The following ZFAT variants were observed in gnomAD, a reference collection of about 807,000 sequenced individuals.
The protein encoded by ZFAT is zinc finger and AT-hook domain containing.
In ZFAT, 64 loss-of-function variants were observed where a neutral mutation model predicts 117.7. The observed-to-expected ratio is 0.54, with a 90% CI of 0.44 to 0.67. The LOEUF (loss-of-function observed/expected upper bound fraction) is 0.67. ZFAT is among the 30% of genes least tolerant of loss of function. The pLI, the probability that ZFAT is intolerant of heterozygous loss-of-function variation, is 0.00. For missense variants in ZFAT, 1,433 were observed against 1,584.5 expected, an observed-to-expected ratio of 0.90 and a Z score of 1.62; for synonymous variants, 679 against 615.0, an observed-to-expected ratio of 1.10 and a Z score of -1.54.
At chr8:134,695,334 T>C (rs1218944269) in intron 1 of ZFAT, among the ~76,000 whole-genome samples, 1 of 147,132 alleles carries the variant, frequency 6.8e-6, no homozygotes, top group East Asian at 1.9e-4. Context: ...TCTTTGTCTC[T>C]GAAAGGCAAG....
upstream of ZFAT, chr8:134,713,171 A>C: frequency 3.6e-6 from 1 of 277,610 alleles, no homozygotes; most frequent in Non-Finnish European, 6.7e-6. Flanking sequence ...CGTGCTTTTT[A>C]TCCCACTTCA....
chr8:134,730,843 T>TAAAGAAG, the ZFAT span, among the ~76,000 whole-genome samples: 1 of 152,216 alleles, frequency 6.6e-6, no homozygotes, highest in East Asian at 1.9e-4. Flanking sequence ...CTAGAAATAT[T>TAAAGAAG]CTGGTTTCTT....
chr8:134,749,149 T>C, the ZFAT span, among the ~76,000 whole-genome samples: 5 of 152,212 alleles, frequency 3.3e-5, no homozygotes, highest in Non-Finnish European at 5.9e-5. Flanking sequence ...ATTTTTACTA[T>C]AACCAATTTA....
the ZFAT span, among the ~76,000 whole-genome samples, chr8:134,770,482 TCTTTA>T: frequency 2.0e-5 from 3 of 152,348 alleles, no homozygotes; most frequent in East Asian, 3.9e-4. Context: ...CCTATGCCTG[TCTTTA>T]CTTTAATCTC....
chr8:134,808,207 G>A, the ZFAT span, among the ~76,000 whole-genome samples: 1 of 152,188 alleles, frequency 6.6e-6, no homozygotes, highest in East Asian at 1.9e-4. Context: ...TAGTATGTGT[G>A]TGGATGTGAA....
intron 10 of ZFAT, among the ~76,000 whole-genome samples, chr8:134,567,656 G>T (rs943929151): frequency 3.9e-5 from 6 of 152,082 alleles, no homozygotes; most frequent in African/African-American, 1.4e-4. Flanking sequence ...AGCAGAGAAG[G>T]CCCTCCAGAA....
intron 15 of ZFAT, among the ~76,000 whole-genome samples, 160 bp downstream of exon 15, chr8:134,509,459 C>A (rs547406135): frequency 2.0e-5 from 3 of 152,160 alleles, no homozygotes; most frequent in East Asian, 1.9e-4. Context: ...AAGAAGCACT[C>A]CCATGAGATC....
At chr8:134,747,765 C>T in the ZFAT span, among the ~76,000 whole-genome samples, 1 of 152,062 alleles carries the variant, frequency 6.6e-6, no homozygotes, top group Non-Finnish European at 1.5e-5. Flanking sequence ...TTTTTACAGC[C>T]CTGTAATTTT....
intron 15 of ZFAT, among the ~76,000 whole-genome samples, chr8:134,501,534 C>T (rs554639228): frequency 3.9e-5 from 6 of 152,196 alleles, no homozygotes; most frequent in South Asian, 2.1e-4. Context: ...AGAAAAAAAC[C>T]GTTACGGGAA....
At chr8:134,590,441 C>G (rs1440927639) in intron 7 of ZFAT, 86 bp from the exon 8 acceptor site, 2 of 994,708 alleles carry the variant, frequency 2.0e-6, no homozygotes, top group Non-Finnish European at 3.1e-6. Flanking sequence ...ACCATCATCA[C>G]CCACCACCAC....
At chr8:134,677,481 C>A (rs1563754974) in intron 1 of ZFAT, among the ~76,000 whole-genome samples, 1 of 152,098 alleles carries the variant, frequency 6.6e-6, no homozygotes, top group Non-Finnish European at 1.5e-5. Flanking sequence ...AGTCCAGGAC[C>A]AGATGGATTT....
At chr8:134,585,431 C>T (rs1826001026) in intron 9 of ZFAT, among the ~76,000 whole-genome samples, 1 of 152,140 alleles carries the variant, frequency 6.6e-6, no homozygotes, top group Non-Finnish European at 1.5e-5. Context: ...CACTATTTGA[C>T]CTGGTGTTTT....
intron 15 of ZFAT, among the ~76,000 whole-genome samples, chr8:134,500,048 C>T (rs549034840): frequency 1.6e-4 from 24 of 152,284 alleles, no homozygotes; most frequent in Middle Eastern, 6.8e-3. Flanking sequence ...ACAGAGGGCC[C>T]GCAGCGCTCT....
the ZFAT span, among the ~76,000 whole-genome samples, chr8:134,768,529 A>C: frequency 1.3e-5 from 2 of 152,228 alleles, no homozygotes; most frequent in Non-Finnish European, 2.9e-5. Flanking sequence ...GAAGCCTCGC[A>C]ATCATGGTGG....
intron 1 of ZFAT, among the ~76,000 whole-genome samples, chr8:134,665,759 A>T (rs1832185693): frequency 1.3e-5 from 2 of 152,152 alleles, no homozygotes; most frequent in Admixed American, 1.3e-4. Flanking sequence ...GATGGACAGG[A>T]GAAGGGGGAT....
chr8:134,743,893 A>C, the ZFAT span, among the ~76,000 whole-genome samples: 1 of 152,228 alleles, frequency 6.6e-6, no homozygotes, highest in East Asian at 1.9e-4. Flanking sequence ...TTTTCTGGCC[A>C]AAAGGGCACA....
chr8:134,591,146 T>C (rs1826475405), intron 7 of ZFAT, among the ~76,000 whole-genome samples: 1 of 152,184 alleles, frequency 6.6e-6, no homozygotes, highest in African/African-American at 2.4e-5. Flanking sequence ...AACGCAGGGA[T>C]TGCATGGCAA....
intron 1 of ZFAT, among the ~76,000 whole-genome samples, chr8:134,694,128 C>T (rs1219793780): frequency 6.6e-6 from 1 of 152,148 alleles, no homozygotes; most frequent in Non-Finnish European, 1.5e-5. Context: ...AGTGAAGAGA[C>T]ATGACGCTGG....
At chr8:134,549,597 C>T (rs1272023935) in intron 11 of ZFAT, among the ~76,000 whole-genome samples, 1 of 152,356 alleles carries the variant, frequency 6.6e-6, no homozygotes, top group East Asian at 1.9e-4. Context: ...CAAAGATCTG[C>T]ACCCCTATAC....
Sources: gnomAD v4.1 joint callset for allele counts (sites outside exome capture counted in the v4.1 genomes callset) on GRCh38, gnomAD v4.1.1 for gene constraint, MANE v1.5 for transcripts, NCBI Gene and HGNC (gene_info 2026-07-23, HGNC 2026-07-21) for gene names.